Variants in EYA1 observed in about 807,000 individuals in gnomAD.
EYA1 encodes protein phosphatase EYA1.
A neutral mutation model predicts 82.0 loss-of-function variants in EYA1; 16 were observed. The observed-to-expected ratio is 0.20, with a 90% CI of 0.13 to 0.30. The LOEUF (loss-of-function observed/expected upper bound fraction) is 0.30. Ranked by LOEUF, EYA1 falls within the 10% of genes least tolerant of loss-of-function variation. The probability of loss-of-function intolerance (pLI) is 1.00; values close to 1 mark genes in which losing one functional copy is unlikely to be tolerated. For synonymous variants in EYA1, 261 were observed against 264.4 expected (o/e 0.99, Z 0.12); for missense variants, 633 against 730.7 (o/e 0.87, Z 1.54).
intron 2 of EYA1, among the ~76,000 whole-genome samples, chr8:71,445,648 G>GT (rs1806815791): frequency 6.6e-6 from 1 of 151,962 alleles, no homozygotes; most frequent in Non-Finnish European, 1.5e-5. Flanking sequence ...GTTTTGTTTT[G>GT]TTTTTTGAGA....
At chr8:71,262,792 T>C (rs565039213) in intron 11 of EYA1, among the ~76,000 whole-genome samples, 1 of 152,312 alleles carries the variant, frequency 6.6e-6, no homozygotes, top group African/African-American at 2.4e-5. Flanking sequence ...AGAAGAGAGA[T>C]GAAGCATGCC....
At chr8:71,386,737 A>T (rs532573642) in intron 2 of EYA1, among the ~76,000 whole-genome samples, 1 of 152,384 alleles carries the variant, frequency 6.6e-6, no homozygotes, top group Admixed American at 6.5e-5. Flanking sequence ...TATTAGAATC[A>T]CAGAATGGGT....
At chr8:71,545,854 C>A (rs1424946255) in intron 1 of EYA1, among the ~76,000 whole-genome samples, 1 of 152,160 alleles carries the variant, frequency 6.6e-6, no homozygotes, top group African/African-American at 2.4e-5. Flanking sequence ...GCCACTGTGC[C>A]CGGCCTTTTT....
chr8:71,542,955 C>T (rs1197369689), intron 1 of EYA1, among the ~76,000 whole-genome samples: 1 of 152,152 alleles, frequency 6.6e-6, no homozygotes, highest in Middle Eastern at 3.4e-3. Flanking sequence ...GGATATTAGA[C>T]TTTTGTCAGA....
At chr8:71,446,247 G>A (rs755138507) in intron 2 of EYA1, among the ~76,000 whole-genome samples, 2 of 152,094 alleles carry the variant, frequency 1.3e-5, no homozygotes, top group South Asian at 2.1e-4. Context: ...TGTTGAGGGC[G>A]GGTCCTGGTA....
chr8:71,259,118 C>T (rs1330767302), intron 11 of EYA1, among the ~76,000 whole-genome samples: 1 of 152,054 alleles, frequency 6.6e-6, no homozygotes, highest in Non-Finnish European at 1.5e-5. Flanking sequence ...CCTATAAATC[C>T]AGCAGCTTTC....
intron 1 of EYA1, among the ~76,000 whole-genome samples, chr8:71,546,760 T>C (rs1252547964): frequency 1.3e-5 from 2 of 152,170 alleles, no homozygotes; most frequent in African/African-American, 4.8e-5. Context: ...CTCCTGGGCC[T>C]CCCACAGTGC....
At chr8:71,390,444 G>A (rs1829213431) in intron 2 of EYA1, among the ~76,000 whole-genome samples, 1 of 151,860 alleles carries the variant, frequency 6.6e-6, no homozygotes, top group Non-Finnish European at 1.5e-5. Context: ...TAAATTTTTT[G>A]TGGAGATGGG....
chr8:71,491,014 A>G (rs1480161084), intron 2 of EYA1, among the ~76,000 whole-genome samples: 1 of 152,150 alleles, frequency 6.6e-6, no homozygotes, highest in Non-Finnish European at 1.5e-5. Context: ...TGAATGAATA[A>G]ACCAATGATT....
At chr8:71,278,134 A>G (rs1442233982) in intron 9 of EYA1, among the ~76,000 whole-genome samples, 2 of 152,142 alleles carry the variant, frequency 1.3e-5, no homozygotes, top group Admixed American at 1.3e-4. Flanking sequence ...GACAGCCTAG[A>G]TTATTTAGCT....
At chr8:71,402,730 A>T (rs1005241291) in intron 2 of EYA1, among the ~76,000 whole-genome samples, 2 of 152,192 alleles carry the variant, frequency 1.3e-5, no homozygotes, top group African/African-American at 4.8e-5. Context: ...ATGCTAATTA[A>T]AATGGTATGC....
chr8:71,518,085 A>C (rs1813116701), intron 2 of EYA1, among the ~76,000 whole-genome samples: 1 of 152,110 alleles, frequency 6.6e-6, no homozygotes, highest in South Asian at 2.1e-4. Flanking sequence ...AGAATTACAA[A>C]TTAGAAATTT....
chr8:71,493,710 G>A (rs1811186195), intron 2 of EYA1, among the ~76,000 whole-genome samples: 2 of 151,654 alleles, frequency 1.3e-5, no homozygotes, highest in African/African-American at 4.8e-5. Context: ...ACTTTATGTT[G>A]TGAAATACTG....
At chr8:71,276,018 T>C (rs543633536) in intron 9 of EYA1, among the ~76,000 whole-genome samples, 2 of 152,348 alleles carry the variant, frequency 1.3e-5, no homozygotes, top group South Asian at 4.1e-4. Context: ...GTTCTCTACA[T>C]CCCTGTTATT....
intron 2 of EYA1, among the ~76,000 whole-genome samples, chr8:71,516,220 T>C (rs990880416): frequency 6.6e-6 from 1 of 152,198 alleles, no homozygotes; most frequent in Non-Finnish European, 1.5e-5. Context: ...GCAATTTTCA[T>C]TGAATAGCCA....
At chr8:71,275,327 C>A (rs895902332) in intron 9 of EYA1, among the ~76,000 whole-genome samples, 1 of 152,074 alleles carries the variant, frequency 6.6e-6, no homozygotes, top group Non-Finnish European at 1.5e-5. Context: ...ATACAAGGTA[C>A]GGGACTTAGG....
At chr8:71,397,703 T>C (rs1829711391) in intron 2 of EYA1, among the ~76,000 whole-genome samples, 1 of 152,224 alleles carries the variant, frequency 6.6e-6, no homozygotes, top group Non-Finnish European at 1.5e-5. Flanking sequence ...CCAACCTTTC[T>C]CTCTGGCTGC....
intron 2 of EYA1, among the ~76,000 whole-genome samples, chr8:71,398,478 T>C (rs1161093681): frequency 6.6e-6 from 1 of 152,192 alleles, no homozygotes; most frequent in Non-Finnish European, 1.5e-5. Context: ...GGGGTTTTGG[T>C]GTGGATGTCC....
intron 2 of EYA1, among the ~76,000 whole-genome samples, chr8:71,408,125 CT>C (rs1259115076): frequency 6.6e-6 from 1 of 151,872 alleles, no homozygotes; most frequent in Non-Finnish European, 1.5e-5. Flanking sequence ...CCAAACTAAG[CT>C]TCATAAGTGA....
Sources: allele counts gnomAD v4.1 joint callset (sites outside exome capture counted in the v4.1 genomes callset), GRCh38; gene constraint gnomAD v4.1.1; transcripts MANE v1.5; gene names NCBI Gene and HGNC (gene_info 2026-07-23, HGNC 2026-07-21).